Variants in AXIN1 observed in about 807,000 individuals in gnomAD.
AXIN1 encodes the protein axin 1, also known as axin-1.
In AXIN1, 30 loss-of-function variants were observed where a neutral mutation model predicts 76.4. The observed-to-expected ratio is 0.39, with a 90% CI of 0.29 to 0.53. AXIN1 has a LOEUF of 0.53. Ranked by LOEUF, AXIN1 falls within the 20% of genes least tolerant of loss-of-function variation. AXIN1 has a pLI of 0.66. For missense variants in AXIN1, 1,140 were observed against 1,198.8 expected (o/e 0.95, Z 0.72); for synonymous variants, 545 against 501.4 (o/e 1.09, Z -1.16).
At position 298,141 on chromosome 16, in the gene AXIN1, G is replaced by A. The variant is rs1393928003; in HGVS notation, c.1365C>T (p.Gly455=). 6.5e-6 allele frequency: 10 copies of A among 1,544,110 alleles called. No individual in the cohort carries two copies. The highest frequency in any genetic ancestry group is 8.7e-6 in the Non-Finnish European group (10 of 1,147,838). ...CGTGTGCATCCCGGAGCCCGGCACA[G>A]CCCATGTCCACACAGCGGGGCGGGA... is the stretch of plus-strand genomic sequence containing the variant. The part of the protein sequence containing the change: ...HHFPPRCVDM[G]CAGLRDAHEE... Residue 455 remains glycine, a synonymous_variant, in exon 6 of 11, where the codon GGC becomes GGT. Coordinates refer to ENST00000262320, the MANE Select transcript of AXIN1 (RefSeq NM_003502.4).
chr16:310,847 G>A (rs1287022714), intron 3 of AXIN1, among the ~76,000 whole-genome samples: 2 of 152,248 alleles, frequency 1.3e-5, no homozygotes, highest in South Asian at 2.1e-4. Context: ...CAGTGTGCCT[G>A]CCTTGGAGGG....
chr16:298,594 G>A (rs1283027390), intron 5 of AXIN1, among the ~76,000 whole-genome samples: 3 of 152,108 alleles, frequency 2.0e-5, no homozygotes, highest in African/African-American at 7.2e-5. Context: ...TGCAGCCTCC[G>A]CCTCCTAGGC....
rs2052622492 is a variant in AXIN1, at chr16:293,400, G to A, written c.2186+88C>T. On this transcript the variant is annotated intron_variant, in intron 8 of 10. Coordinates refer to ENST00000262320, the MANE Select transcript of AXIN1 (RefSeq NM_003502.4). This position sits in a 1 kb window ranked among gnomAD's most constrained non-coding sequence, Gnocchi z 4.6. ...ACACCCAGAGGGCCGTTTTTCCCCT[G>A]AAGACCTCAGGCCTCGGGGAGCTTC... 1 of 1,369,144 alleles carries A rather than the reference G, an allele frequency of 7.3e-7. No individual in the cohort carries two copies. 84.8% of individuals were successfully genotyped at this position (1,369,144 alleles called of 1,614,324 possible).
At position 301,137 on chromosome 16, in the gene AXIN1, G is replaced by A. The variant is rs561486448; in HGVS notation, c.1255-2886C>T. ...TACAAAAAAATTAGCCGGGCGTGAT[G>A]GTGGGCGCCTGTAGTCCCAGCTACT... On this transcript the variant is annotated intron_variant, in intron 5 of 10. Transcript: ENST00000262320. Among the ~76,000 whole-genome samples, 310 of 152,220 alleles carry A rather than the reference G, an allele frequency of 2.0e-3. 1 individual carries two copies. Among genetic ancestry groups the A allele is most frequent in the Admixed American group, 5.7e-3 (87 of 15,296 alleles).
chr16:290,033 GA>G (rs1228308922), intron 9 of AXIN1: 4 of 271,938 alleles, frequency 1.5e-5, no homozygotes, highest in Non-Finnish European at 2.9e-5. Flanking sequence ...ACCCCGCAGC[GA>G]AGTTTGTCGG....
chr16:351,953 G>A (rs920448829), intron 1 of AXIN1, among the ~76,000 whole-genome samples: 1 of 152,288 alleles, frequency 6.6e-6, no homozygotes, highest in East Asian at 1.9e-4. Flanking sequence ...TGGGCAGCAA[G>A]GCATCAACCT....
intron 10 of AXIN1, among the ~76,000 whole-genome samples, chr16:288,532 G>A (rs372536024): frequency 1.3e-5 from 2 of 152,218 alleles, no homozygotes; most frequent in East Asian, 3.8e-4. Flanking sequence ...CAGGGGGGAA[G>A]TGGACGGGTG....
At chr16:288,691 G>A (rs933212808) in intron 10 of AXIN1, among the ~76,000 whole-genome samples, 3 of 152,264 alleles carry the variant, frequency 2.0e-5, no homozygotes, top group African/African-American at 7.2e-5. Flanking sequence ...CAGGCTCTTG[G>A]GGTCAGGCCC....
intron 2 of AXIN1, among the ~76,000 whole-genome samples, chr16:323,162 G>A (rs2053495603): frequency 1.3e-5 from 2 of 152,140 alleles, no homozygotes; most frequent in Admixed American, 6.5e-5. Context: ...GAAAGAGGCC[G>A]GGCGCGGTGG....
intron 2 of AXIN1, among the ~76,000 whole-genome samples, chr16:339,193 T>C: frequency 1.1e-5 from 1 of 88,226 alleles, no homozygotes; most frequent in Admixed American, 1.6e-4. Flanking sequence ...GCCAGCCTGG[T>C]CTCAAAAAAA....
intron 2 of AXIN1, among the ~76,000 whole-genome samples, chr16:328,684 G>A (rs1467667882): frequency 3.3e-5 from 5 of 151,988 alleles, no homozygotes; most frequent in South Asian, 2.1e-4. Context: ...CAACAAGAGC[G>A]AAACTCCATG....
At chr16:322,473 G>A (rs909335342) in intron 2 of AXIN1, among the ~76,000 whole-genome samples, 11 of 152,248 alleles carry the variant, frequency 7.2e-5, no homozygotes, top group African/African-American at 2.7e-4. Flanking sequence ...GGCCTGTGCA[G>A]GAGCTGAGTT....
chr16:313,054 C>T (rs991973830), intron 3 of AXIN1, among the ~76,000 whole-genome samples: 5 of 152,106 alleles, frequency 3.3e-5, no homozygotes, highest in African/African-American at 7.2e-5. Flanking sequence ...GGCTCATGCC[C>T]GTAATCCCAG....
intron 2 of AXIN1, among the ~76,000 whole-genome samples, chr16:324,130 G>A (rs1414350098): frequency 6.7e-6 from 1 of 149,868 alleles, no homozygotes; most frequent in Non-Finnish European, 1.5e-5. Flanking sequence ...GGGACCGTCC[G>A]CACTGACCAG....
At chr16:349,620 C>T (rs1188008458) in intron 1 of AXIN1, among the ~76,000 whole-genome samples, 1 of 152,122 alleles carries the variant, frequency 6.6e-6, no homozygotes, top group African/African-American at 2.4e-5. Flanking sequence ...TTGGTAGTAG[C>T]GGGACCCACA....
intron 2 of AXIN1, among the ~76,000 whole-genome samples, chr16:326,725 C>G (rs1275532668): frequency 6.8e-6 from 1 of 146,244 alleles, no homozygotes; most frequent in African/African-American, 2.6e-5. Flanking sequence ...AGCCTGGTGA[C>G]AGAGTGGGAT....
intron 7 of AXIN1, among the ~76,000 whole-genome samples, chr16:294,810 C>A (rs1188656776): frequency 1.4e-5 from 2 of 147,262 alleles, no homozygotes; most frequent in Non-Finnish European, 3.0e-5. Context: ...CGCCTGTAAT[C>A]CCAGCACTTT....
At chr16:300,726 C>T (rs1035923806) in intron 5 of AXIN1, among the ~76,000 whole-genome samples, 4 of 152,164 alleles carry the variant, frequency 2.6e-5, no homozygotes, top group Non-Finnish European at 4.4e-5. Context: ...CTGGCGGATG[C>T]AGCTATGCTG....
At chr16:345,714 CAA>C (rs57841611) in intron 2 of AXIN1, among the ~76,000 whole-genome samples, 31 of 130,432 alleles carry the variant, frequency 2.4e-4, no homozygotes, top group Non-Finnish European at 2.2e-4. Flanking sequence ...AACTCCGTCT[CAA>C]AAAAAAAAAA....
Sources: allele counts gnomAD v4.1 joint callset (sites outside exome capture counted in the v4.1 genomes callset), GRCh38; gene constraint gnomAD v4.1.1; non-coding constraint Gnocchi (gnomAD v3.1); transcripts MANE v1.5; gene names NCBI Gene and HGNC (gene_info 2026-07-23, HGNC 2026-07-21).